Variants in ANKRD31 observed in about 807,000 individuals in gnomAD.
The protein encoded by ANKRD31 is ankyrin repeat domain 31.
Under a neutral mutation model 186.0 loss-of-function variants are expected in ANKRD31, and 147 were observed. That is an observed-to-expected ratio of 0.79 (90% CI 0.69 to 0.91). The LOEUF is 0.91. ANKRD31 is among the 40% of genes least tolerant of loss of function. The probability of loss-of-function intolerance (pLI) is 0.00; values close to 1 mark genes in which losing one functional copy is unlikely to be tolerated. For missense variants in ANKRD31, 1,986 were observed against 2,148.8 expected (o/e 0.92, Z 1.50); for synonymous variants, 673 against 736.4 (o/e 0.91, Z 1.39).
chr5:75,113,713 AT>A (rs1269254793), intron 19 of ANKRD31, among the ~76,000 whole-genome samples: 3 of 152,374 alleles, frequency 2.0e-5, no homozygotes, highest in African/African-American at 7.2e-5. Context: ...ACATAATAAA[AT>A]AACCTAATTA....
At chr5:75,236,149 G>A (rs1758260520) in intron 1 of ANKRD31, among the ~76,000 whole-genome samples, 1 of 152,130 alleles carries the variant, frequency 6.6e-6, no homozygotes, top group South Asian at 2.1e-4. Flanking sequence ...TTCCAGTTTG[G>A]CAGGGACCAG....
At chr5:75,121,498 G>A (rs1748792026) in intron 17 of ANKRD31, among the ~76,000 whole-genome samples, 1 of 152,030 alleles carries the variant, frequency 6.6e-6, no homozygotes, top group African/African-American at 2.4e-5. Flanking sequence ...CAACATCGCA[G>A]AATATACCTT....
chr5:75,130,903 C>T (rs188782272), intron 17 of ANKRD31, among the ~76,000 whole-genome samples: 79 of 152,340 alleles, frequency 5.2e-4, no homozygotes, highest in Middle Eastern at 3.4e-3. Flanking sequence ...CCGGGCACTC[C>T]GGTAGCCCAG....
In ANKRD31 at chr5:75,230,632, C is replaced by T; in HGVS notation, c.108G>A (p.Leu36=). ...LEEKELPWRR[L]LFDQDASLKS... is the part of the protein sequence containing the mutation. Reference sequence around the variant, plus strand: ...TAAGAGATGCGTCTTGATCAAACAGCAACCTTTCAAATACCAAAAGGGAAG... The same window carrying T: ...TAAGAGATGCGTCTTGATCAAACAGTAACCTTTCAAATACCAAAAGGGAAG... Residue 36 remains leucine, a synonymous_variant, in exon 2 of 26, where the codon TTG becomes TTA. Transcript: ENST00000506364. 6.5e-7 allele frequency: 1 copy of T among 1,529,324 alleles called. No individual in the cohort carries two copies. The highest frequency in any genetic ancestry group is 1.2e-5 in the South Asian group (1 of 83,648). The allele number at this position is 1,529,324 out of a possible 1,614,324, so 94.7% of individuals were successfully genotyped here. A position where few individuals can be genotyped will look rare whatever the true frequency, so the allele number is the denominator to read the frequency against.
intron 22 of ANKRD31, among the ~76,000 whole-genome samples, chr5:75,103,442 G>A (rs1301770674): frequency 2.6e-5 from 4 of 152,176 alleles, no homozygotes; most frequent in Admixed American, 6.5e-5. Flanking sequence ...ACAGTGTAGC[G>A]ATTCCTCAAA....
intron 17 of ANKRD31, among the ~76,000 whole-genome samples, chr5:75,129,144 A>G (rs962500641): frequency 1.3e-5 from 2 of 151,170 alleles, no homozygotes; most frequent in African/African-American, 2.5e-5. Flanking sequence ...TGGTGGTTTA[A>G]AAGTGTGTAG....
At chr5:75,160,371 T>C (rs1456349434) in intron 11 of ANKRD31, among the ~76,000 whole-genome samples, 2 of 152,194 alleles carry the variant, frequency 1.3e-5, no homozygotes, top group East Asian at 3.9e-4. Flanking sequence ...ATTAAATTGT[T>C]ACACCAGAAA....
chr5:75,159,509 T>C (rs527347184), intron 11 of ANKRD31, among the ~76,000 whole-genome samples: 28 of 152,024 alleles, frequency 1.8e-4, no homozygotes, highest in African/African-American at 6.5e-4. Flanking sequence ...ATCATTTAGA[T>C]AAGAACCCCA....
intron 5 of ANKRD31, among the ~76,000 whole-genome samples, chr5:75,200,896 A>C (rs1318984812): frequency 6.0e-5 from 9 of 149,540 alleles, no homozygotes; most frequent in Non-Finnish European, 1.0e-4. Context: ...TGGGCAATAG[A>C]GCAAGACTTC....
Position 75,173,613 on chromosome 5 carries a change from G to A in ANKRD31, c.1565-4492C>T, listed in dbSNP as rs572570938. 1.1e-4 allele frequency among the ~76,000 whole-genome samples: 16 copies of A among 152,216 alleles called. 1 individual carries two copies. In the South Asian group the frequency reaches 1.7e-3, roughly 16 times the overall value. ...ACAGACAAACAGAGAGCCAAGTCACGAGTGAACTCCCATTCACAATTGCTA... is the reference window on the plus strand; with the variant it reads ...ACAGACAAACAGAGAGCCAAGTCACAAGTGAACTCCCATTCACAATTGCTA... On this transcript the variant is annotated intron_variant, in intron 10 of 25. Coordinates refer to ENST00000506364, the MANE Select transcript of ANKRD31 (RefSeq NM_001372053.1).
intron 18 of ANKRD31, among the ~76,000 whole-genome samples, chr5:75,117,845 T>C (rs1748423348): frequency 6.6e-6 from 1 of 152,194 alleles, no homozygotes; most frequent in South Asian, 2.1e-4. Flanking sequence ...TCTGCCTGGC[T>C]TCAATTACAT....
At chr5:75,154,856 A>G (rs1182515287) in intron 11 of ANKRD31, among the ~76,000 whole-genome samples, 2 of 152,052 alleles carry the variant, frequency 1.3e-5, no homozygotes, top group African/African-American at 4.8e-5. Flanking sequence ...TTGGTGAAAA[A>G]GTGGTCAATC....
At chr5:75,080,353 CA>C (rs1744988851) in intron 25 of ANKRD31, among the ~76,000 whole-genome samples, 1 of 151,964 alleles carries the variant, frequency 6.6e-6, no homozygotes, top group Non-Finnish European at 1.5e-5. Context: ...GTGTGCCAGG[CA>C]TTGAAGAATA....
chr5:75,190,187 T>C (rs1305509232), intron 9 of ANKRD31, among the ~76,000 whole-genome samples: 4 of 152,040 alleles, frequency 2.6e-5, no homozygotes, highest in African/African-American at 9.6e-5. Flanking sequence ...GCCCAGCTAA[T>C]TTTTTGCATT....
chr5:75,104,188 A>G, intron 22 of ANKRD31, 40 bp downstream of exon 22: 1 of 1,399,156 alleles, frequency 7.1e-7, no homozygotes, highest in Non-Finnish European at 9.4e-7. Context: ...TCACTTATTT[A>G]TAAAATTTGC....
At chr5:75,133,202 A>G (rs1750026183) in intron 17 of ANKRD31, among the ~76,000 whole-genome samples, 1 of 152,236 alleles carries the variant, frequency 6.6e-6, no homozygotes, top group Non-Finnish European at 1.5e-5. Context: ...GCTCCAATTA[A>G]AAGACACAGA....
At chr5:75,222,112 G>A in intron 3 of ANKRD31, 137 bp downstream of exon 3, 1 of 577,822 alleles carries the variant, frequency 1.7e-6, no homozygotes, top group Non-Finnish European at 2.9e-6. Flanking sequence ...GACTAGTTAA[G>A]AAAGAGGTAA....
In ANKRD31 at chr5:75,173,656, C is replaced by T. The variant is rs185485058; in HGVS notation, c.1565-4535G>A. 3.2e-3 allele frequency among the ~76,000 whole-genome samples: 492 copies of T among 152,206 alleles called. 1 individual carries two copies. The highest frequency in any genetic ancestry group is 4.9e-3 in the Non-Finnish European group (333 of 68,014). On this transcript the variant is annotated intron_variant, in intron 10 of 25. Transcript: ENST00000506364. ...AATTGCTACAAAGAGAATAAAATAG[C>T]TAGGAATCCAACTTACAAGGGATGT...
rs771184000 is a variant in ANKRD31 at position 75,112,617 on chromosome 5, T to C, written c.4156-17A>G. 2.0e-5 allele frequency: 29 copies of C among 1,452,988 alleles called. No homozygotes were observed. The highest frequency in any genetic ancestry group is 2.5e-5 in the Non-Finnish European group (27 of 1,083,622). 90.0% of individuals were successfully genotyped at this position (1,452,988 alleles called of 1,614,324 possible). ...GGTCTGATGCTATCAGATAAAAATA[T>C]TTGAAACTTCATTATAAAGGGGTAG... On this transcript the variant is annotated splice_polypyrimidine_tract_variant and intron_variant, in intron 19 of 25. Coordinates refer to ENST00000506364, the MANE Select transcript of ANKRD31 (RefSeq NM_001372053.1).
Sources: gnomAD v4.1 joint callset for allele counts (sites outside exome capture counted in the v4.1 genomes callset) on GRCh38, gnomAD v4.1.1 for gene constraint, MANE v1.5 for transcripts, NCBI Gene and HGNC (gene_info 2026-07-23, HGNC 2026-07-21) for gene names.